The following SNX18 variants were observed in gnomAD, a reference collection of about 807,000 sequenced individuals.
The protein encoded by SNX18 is sorting nexin-18.
In SNX18, 35 loss-of-function variants were observed where a neutral mutation model predicts 48.7. The observed-to-expected ratio is 0.72, with a 90% CI of 0.55 to 0.95. The LOEUF (loss-of-function observed/expected upper bound fraction) is 0.95. SNX18 is among the 40% of genes least tolerant of loss of function. The pLI, the probability that SNX18 is intolerant of heterozygous loss-of-function variation, is 0.00. For missense variants in SNX18, 824 were observed against 871.0 expected (o/e 0.95, Z 0.68); for synonymous variants, 492 against 384.7 (o/e 1.28, Z -3.26).
At chr5:54,636,928 A>G in the SNX18 span, among the ~76,000 whole-genome samples, 1 of 152,198 alleles carries the variant, frequency 6.6e-6, no homozygotes, top group Non-Finnish European at 1.5e-5. Flanking sequence ...CTTAACCACT[A>G]TGCCATCTCC....
chr5:54,552,122 C>T, the SNX18 span, among the ~76,000 whole-genome samples: 1 of 152,226 alleles, frequency 6.6e-6, no homozygotes, highest in African/African-American at 2.4e-5. Context: ...TGTCCACCAG[C>T]CTGCGGAATT....
At position 54,522,134 on chromosome 5, in the gene SNX18, G is replaced by T. The variant is rs528618775; in HGVS notation, c.1621+2561G>T. On this transcript the variant is annotated intron_variant, in intron 1 of 1. Transcript: ENST00000381410. The stretch of plus-strand genomic sequence containing the variant: ...ACTACCATTTAAAGTGACAGTGTGC[G>T]ATACATAAGGCTAAAAGCATTTGCC... Among the ~76,000 whole-genome samples the T allele has an allele frequency of 3.0e-4, 46 of 152,292 alleles. No individual in the cohort carries two copies. In the South Asian group the frequency reaches 9.1e-3, roughly 30 times the overall value.
chr5:54,552,707 C>T, the SNX18 span, among the ~76,000 whole-genome samples: 104 of 152,260 alleles, frequency 6.8e-4, no homozygotes, highest in African/African-American at 2.4e-3. Flanking sequence ...GTGCTTCGGG[C>T]ACTGTTGTAG....
chr5:54,631,507 C>T, the SNX18 span, among the ~76,000 whole-genome samples: 12 of 152,170 alleles, frequency 7.9e-5, no homozygotes, highest in Admixed American at 2.0e-4. Context: ...GTCCACATGA[C>T]GAGTTTATTC....
At chr5:54,630,036 T>C in the SNX18 span, among the ~76,000 whole-genome samples, 1 of 152,220 alleles carries the variant, frequency 6.6e-6, no homozygotes, top group South Asian at 2.1e-4. Flanking sequence ...GTGGCGGTGA[T>C]GGGATTTGAA....
rs1298216865 is a variant in SNX18, at chr5:54,518,195, GC to G, written c.249del (p.Gly85AlafsTer141). 1 of 1,389,628 alleles carries G rather than the reference GC, an allele frequency of 7.2e-7. No homozygotes were observed. The highest frequency in any genetic ancestry group is 9.2e-7 in the Non-Finnish European group (1 of 1,081,144). The allele number at this position is 1,389,628 out of a possible 1,614,324, so 86.1% of individuals were successfully genotyped here. Reference sequence around the variant, plus strand: ...GCGCCCCGGCCCGCTACGCCAATGTGCCCCCCGGGGGCTTCGAGCCCCTGCC... The same window carrying G: ...GCGCCCCGGCCCGCTACGCCAATGTGCCCCCGGGGGCTTCGAGCCCCTGCC... The part of the protein sequence containing the change: ...PGAPARYANV[P>X]PGGFEPLPVA... On this transcript the variant is annotated frameshift_variant, in exon 1 of 2. Coordinates refer to ENST00000381410, the MANE Select transcript of SNX18 (RefSeq NM_001102575.2). LOFTEE classifies it high-confidence loss of function.
the SNX18 span, among the ~76,000 whole-genome samples, chr5:54,617,708 C>T: frequency 6.6e-6 from 1 of 152,076 alleles, no homozygotes; most frequent in Non-Finnish European, 1.5e-5. Flanking sequence ...ATGAATCTCT[C>T]TTTTTTCCCC....
chr5:54,628,574 C>T, the SNX18 span, among the ~76,000 whole-genome samples: 4 of 152,168 alleles, frequency 2.6e-5, no homozygotes, highest in African/African-American at 7.2e-5. Context: ...GTCATCTGAC[C>T]TATTACAATG....
At chr5:54,569,042 C>T in the SNX18 span, among the ~76,000 whole-genome samples, 1 of 151,784 alleles carries the variant, frequency 6.6e-6, no homozygotes, top group African/African-American at 2.4e-5. Flanking sequence ...ATGGTTTTGC[C>T]ATGTTTGCCA....
chr5:54,518,411 C>T lies in SNX18; in HGVS notation c.459C>T (p.Asp153=), dbSNP rs867748072. The T allele has an allele frequency of 2.5e-6, 4 of 1,586,446 alleles. No homozygotes were observed. The highest frequency in any genetic ancestry group is 1.3e-5 in the African/African-American group (1 of 74,138). ...GYQASQGSDD[D]WDDEWDDSST... ...AGGCCAGCCAAGGCAGCGATGATGACTGGGACGACGAGTGGGACGACAGCT... is the reference window on the plus strand; with the variant it reads ...AGGCCAGCCAAGGCAGCGATGATGATTGGGACGACGAGTGGGACGACAGCT... The change falls in exon 1 of 2, where the codon GAC becomes GAT. Residue 153 remains aspartate, a synonymous_variant. Transcript: ENST00000381410.
chr5:54,597,402 A>G, the SNX18 span, among the ~76,000 whole-genome samples: 9 of 152,182 alleles, frequency 5.9e-5, no homozygotes, highest in African/African-American at 2.2e-4. Context: ...ATAGATATCT[A>G]CACCTACAGA....
At chr5:54,585,983 C>T in the SNX18 span, among the ~76,000 whole-genome samples, 21,115 of 147,686 alleles carry the variant, frequency 0.14, 1,887 homozygotes, top group African/African-American at 0.27. Flanking sequence ...CCAGCCTGGG[C>T]GACGGAGCGA....
the SNX18 span, among the ~76,000 whole-genome samples, chr5:54,615,798 C>A: frequency 6.6e-6 from 1 of 152,116 alleles, no homozygotes; most frequent in African/African-American, 2.4e-5. Flanking sequence ...AGGTGCTTTG[C>A]CAATTAGCAC....
At chr5:54,604,596 T>C in the SNX18 span, among the ~76,000 whole-genome samples, 2 of 152,110 alleles carry the variant, frequency 1.3e-5, no homozygotes, top group Non-Finnish European at 2.9e-5. Context: ...ATCATAGAGG[T>C]TACCAGGGGC....
chr5:54,641,333 C>T, the SNX18 span, among the ~76,000 whole-genome samples: 1 of 152,062 alleles, frequency 6.6e-6, no homozygotes, highest in Non-Finnish European at 1.5e-5. Flanking sequence ...TGATATTCCC[C>T]AAATTCAGTG....
At chr5:54,547,705 AGT>A (rs1230007478), downstream of SNX18, among the ~76,000 whole-genome samples, 3 of 152,200 alleles carry the variant, frequency 2.0e-5, no homozygotes, top group African/African-American at 7.2e-5. Context: ...TGTTATGAAG[AGT>A]GAGAGAAAGG....
At chr5:54,526,545 G>A (rs978659379) in intron 1 of SNX18, among the ~76,000 whole-genome samples, 1 of 152,122 alleles carries the variant, frequency 6.6e-6, no homozygotes, top group Non-Finnish European at 1.5e-5. Context: ...TTGTTATTTA[G>A]CAGGTAAGGG....
the SNX18 span, among the ~76,000 whole-genome samples, chr5:54,559,814 G>C: frequency 1.3e-5 from 2 of 151,944 alleles, no homozygotes; most frequent in African/African-American, 4.8e-5. Flanking sequence ...CTATATAACT[G>C]ACAAAGGTCT....
chr5:54,599,891 A>G, the SNX18 span, among the ~76,000 whole-genome samples: 3 of 152,220 alleles, frequency 2.0e-5, no homozygotes, highest in African/African-American at 7.2e-5. Flanking sequence ...CTCTGGAAGA[A>G]AGTCTAGACA....
Sources: gnomAD v4.1 joint callset for allele counts (sites outside exome capture counted in the v4.1 genomes callset) on GRCh38, gnomAD v4.1.1 for gene constraint, MANE v1.5 for transcripts, NCBI Gene and HGNC (gene_info 2026-07-23, HGNC 2026-07-21) for gene names.